Variants in CRB1 observed in about 807,000 individuals in gnomAD.
CRB1 encodes the protein protein crumbs homolog 1.
CRB1 carries 83 observed loss-of-function variants against 120.0 expected under a neutral mutation model. The ratio of observed to expected loss-of-function variants is 0.69; its 90% CI spans 0.58 to 0.83. CRB1 has a LOEUF of 0.83. CRB1 is among the 40% of genes least tolerant of loss of function. The pLI, the probability that CRB1 is intolerant of heterozygous loss-of-function variation, is 0.00. For synonymous variants in CRB1, 625 were observed against 612.5 expected, an observed-to-expected ratio of 1.02 and a Z score of -0.30; for missense variants, 1,699 against 1,687.6, an observed-to-expected ratio of 1.01 and a Z score of -0.12.
At chr1:197,252,215 T>A in the CRB1 span, among the ~76,000 whole-genome samples, 3 of 151,982 alleles carry the variant, frequency 2.0e-5, no homozygotes, top group African/African-American at 7.2e-5. Context: ...TAAAACTTTA[T>A]GGACACAGAA....
chr1:197,446,718 A>G (rs1665716886), intron 11 of CRB1, among the ~76,000 whole-genome samples: 9 of 152,196 alleles, frequency 5.9e-5, no homozygotes, highest in Admixed American at 5.9e-4. Flanking sequence ...ACTACCATAT[A>G]TAGTTGTAGA....
intron 1 of CRB1, among the ~76,000 whole-genome samples, chr1:197,275,282 T>C (rs1018464533): frequency 2.6e-5 from 4 of 152,024 alleles, no homozygotes; most frequent in Admixed American, 2.6e-4. Context: ...CTGACATACC[T>C]TGGGGACACA....
intron 1 of CRB1, chr1:197,304,355 G>A: frequency 1.0e-6 from 1 of 964,524 alleles, no homozygotes; most frequent in Non-Finnish European, 1.2e-6. Flanking sequence ...AACATTAAAT[G>A]TTTTTCCACA....
At chr1:197,464,872 C>A (rs1450581437) in intron 11 of CRB1, among the ~76,000 whole-genome samples, 2 of 152,138 alleles carry the variant, frequency 1.3e-5, no homozygotes, top group African/African-American at 4.8e-5. Flanking sequence ...AAACAGAGAA[C>A]CTGATCTTCA....
the CRB1 span, among the ~76,000 whole-genome samples, chr1:197,242,495 G>T: frequency 6.6e-6 from 1 of 152,306 alleles, no homozygotes; most frequent in East Asian, 1.9e-4. Flanking sequence ...ATTTGCACAT[G>T]TTGAACGAGT....
the CRB1 span, among the ~76,000 whole-genome samples, chr1:197,254,895 CAG>C: frequency 6.6e-6 from 1 of 152,008 alleles, no homozygotes; most frequent in African/African-American, 2.4e-5. Context: ...TTAATGAAGT[CAG>C]TGATTTTGTG....
intron 5 of CRB1, among the ~76,000 whole-genome samples, chr1:197,409,271 C>T (rs1172726185): frequency 6.6e-6 from 1 of 152,110 alleles, no homozygotes; most frequent in East Asian, 1.9e-4. Context: ...CATAGTAACA[C>T]CACATTTTTC....
intron 5 of CRB1, among the ~76,000 whole-genome samples, chr1:197,419,457 A>G (rs907747422): frequency 6.6e-6 from 1 of 151,082 alleles, no homozygotes; most frequent in Non-Finnish European, 1.5e-5. Context: ...TCACCTCCTG[A>G]GTTCAAGAGA....
In CRB1 at chr1:197,427,784, C is replaced by G; in HGVS notation, c.2459C>G (p.Ser820Cys). 2 of 1,613,974 alleles carry G rather than the reference C, an allele frequency of 1.2e-6. No individual in the cohort carries two copies. The highest frequency in any genetic ancestry group is 4.5e-5 in the East Asian group (2 of 44,884). Residue 820 changes from serine (S) to cysteine (C), a missense_variant, in exon 7 of 12, where the codon TCT becomes TGT. By Grantham distance (112) the Ser-to-Cys change is moderately radical (BLOSUM62 -1). Transcript: ENST00000367400. ...CAAAACCTAGGATTTATTTCTGCTT[C>G]TACGTGGAAAATCGAAAAGGGAGAT... ...SSQNLGFISA[S>C]TWKIEKGDVI...
At chr1:197,236,485 C>T in the CRB1 span, among the ~76,000 whole-genome samples, 1 of 152,140 alleles carries the variant, frequency 6.6e-6, no homozygotes, top group African/African-American at 2.4e-5. Flanking sequence ...GGATGTGAGC[C>T]ACTGCGCTCG....
chr1:197,203,508 A>T, the CRB1 span, among the ~76,000 whole-genome samples: 1 of 152,072 alleles, frequency 6.6e-6, no homozygotes, highest in African/African-American at 2.4e-5. Context: ...TATTTTTAGT[A>T]GAGAGGGGCT....
chr1:197,360,057 G>C (rs1015915411), intron 5 of CRB1, among the ~76,000 whole-genome samples: 2 of 151,888 alleles, frequency 1.3e-5, no homozygotes, highest in Non-Finnish European at 2.9e-5. Context: ...ATAGTATTCT[G>C]TTTTTAATTC....
intron 11 of CRB1, among the ~76,000 whole-genome samples, chr1:197,473,800 A>G (rs952709292): frequency 1.3e-5 from 2 of 152,026 alleles, no homozygotes; most frequent in Non-Finnish European, 2.9e-5. Context: ...TTCAATTATC[A>G]AAAGATCCAT....
chr1:197,283,478 T>C (rs1211697228), intron 1 of CRB1, among the ~76,000 whole-genome samples: 1 of 151,834 alleles, frequency 6.6e-6, no homozygotes, highest in Non-Finnish European at 1.5e-5. Context: ...CACTTATGAG[T>C]GAGAACATAT....
upstream of CRB1, among the ~76,000 whole-genome samples, chr1:197,263,541 T>C (rs1382929310): frequency 6.6e-6 from 1 of 152,172 alleles, no homozygotes; most frequent in Non-Finnish European, 1.5e-5. Context: ...GTCCCAATTG[T>C]CAATTTTTGT....
intron 11 of CRB1, among the ~76,000 whole-genome samples, chr1:197,455,488 T>A (rs946887163): frequency 6.6e-6 from 1 of 152,182 alleles, no homozygotes; most frequent in Non-Finnish European, 1.5e-5. Context: ...ATTTAGTTTC[T>A]ACTAATTTTT....
chr1:197,454,425 A>ACAT lies in CRB1; in HGVS notation c.4005+12134_4005+12136dup, dbSNP rs1430534408. Among the ~76,000 whole-genome samples the ACAT allele has an allele frequency of 2.6e-5, 4 of 152,140 alleles. No individual in the cohort carries two copies. In the East Asian group the frequency reaches 7.7e-4, roughly 29 times the overall value. On this transcript the variant is annotated intron_variant, in intron 11 of 11. Transcript: ENST00000367400. ...ATCTCTTTTCCTTTCATCTTTTCATACATTATTAAGATTTCTGCTTCACCA... is the reference window on the plus strand; with the variant it reads ...ATCTCTTTTCCTTTCATCTTTTCATACATCATTATTAAGATTTCTGCTTCACCA...
chr1:197,351,187 CAAAAAA>C (rs780090689), intron 4 of CRB1, among the ~76,000 whole-genome samples: 11 of 85,374 alleles, frequency 1.3e-4, no homozygotes, highest in South Asian at 9.3e-4. Flanking sequence ...ACTAAAAATA[CAAAAAA>C]AAAAAAAAAA....
chr1:197,408,444 G>C (rs977358432), intron 5 of CRB1, among the ~76,000 whole-genome samples: 7 of 152,164 alleles, frequency 4.6e-5, no homozygotes, highest in Admixed American at 1.3e-4. Context: ...AATGCTGGGA[G>C]ATGAATAAAA....
Sources: allele counts gnomAD v4.1 joint callset (sites outside exome capture counted in the v4.1 genomes callset), GRCh38; gene constraint gnomAD v4.1.1; transcripts MANE v1.5; gene names NCBI Gene and HGNC (gene_info 2026-07-23, HGNC 2026-07-21).